DGKI: variants seen among roughly 807,000 people sequenced by gnomAD.
The protein encoded by DGKI is diacylglycerol kinase iota.
In DGKI, 55 loss-of-function variants were observed where a neutral mutation model predicts 147.5. The ratio of observed to expected loss-of-function variants is 0.37; its 90% CI spans 0.30 to 0.47. DGKI has a LOEUF of 0.47. Ranked by LOEUF, DGKI falls within the 20% of genes least tolerant of loss-of-function variation. DGKI has a pLI of 1.00. For missense variants in DGKI, 1,007 were observed against 1,323.8 expected (o/e 0.76, Z 3.71); for synonymous variants, 469 against 477.1 (o/e 0.98, Z 0.22).
intron 1 of DGKI, among the ~76,000 whole-genome samples, chr7:137,744,742 T>C (rs1261380658): frequency 6.6e-6 from 1 of 152,114 alleles, no homozygotes; most frequent in Non-Finnish European, 1.5e-5. Flanking sequence ...GTTCAATATA[T>C]GAAAATTAAT....
At chr7:137,727,583 T>C (rs888287031) in intron 1 of DGKI, among the ~76,000 whole-genome samples, 2 of 152,172 alleles carry the variant, frequency 1.3e-5, no homozygotes, top group Non-Finnish European at 2.9e-5. Flanking sequence ...CAAGAGCAGA[T>C]GAAAGAAGTA....
At chr7:137,513,307 G>T (rs1816640022) in intron 21 of DGKI, among the ~76,000 whole-genome samples, 1 of 152,080 alleles carries the variant, frequency 6.6e-6, no homozygotes, top group East Asian at 1.9e-4. Context: ...TGCTCACCAG[G>T]TTCCATCTTA....
chr7:137,835,806 T>C (rs1798361122), intron 1 of DGKI, among the ~76,000 whole-genome samples: 1 of 152,226 alleles, frequency 6.6e-6, no homozygotes, highest in African/African-American at 2.4e-5. Context: ...GAAATGGTGC[T>C]ATTTTTCCAT....
intron 19 of DGKI, among the ~76,000 whole-genome samples, chr7:137,558,546 G>A (rs1392995091): frequency 6.6e-6 from 1 of 151,786 alleles, no homozygotes; most frequent in Non-Finnish European, 1.5e-5. Context: ...CCAAAGTGCT[G>A]GGATTATAGG....
At chr7:137,429,517 C>CA in intron 28 of DGKI, among the ~76,000 whole-genome samples, 1 of 149,804 alleles carries the variant, frequency 6.7e-6, no homozygotes, top group East Asian at 2.0e-4. Context: ...TCTAAAACAC[C>CA]AAAAGCAATG....
At chr7:137,569,829 A>G (rs1016459577) in intron 19 of DGKI, among the ~76,000 whole-genome samples, 5 of 142,468 alleles carry the variant, frequency 3.5e-5, no homozygotes, top group African/African-American at 5.1e-5. Context: ...CTTGGCTTGT[A>G]TCTTCATTTG....
At chr7:137,606,395 G>A (rs1820187068) in intron 10 of DGKI, among the ~76,000 whole-genome samples, 1 of 152,098 alleles carries the variant, frequency 6.6e-6, no homozygotes, top group South Asian at 2.1e-4. Context: ...AAGCAGGTGA[G>A]TGGAATAAGT....
Position 137,521,981 on chromosome 7 carries a change from C to T in DGKI, c.2148-15G>A. The T allele has an allele frequency of 2.5e-6, 4 of 1,597,716 alleles. No individual in the cohort carries two copies. Among genetic ancestry groups the T allele is most frequent in the South Asian group, 2.2e-5 (2 of 89,864 alleles). ...CAGACTGGGGACTGCAAAACAAGAACCGAGTGGTCAGATACAAATGAGAGA... is the reference window on the plus strand; with the variant it reads ...CAGACTGGGGACTGCAAAACAAGAATCGAGTGGTCAGATACAAATGAGAGA... On this transcript the variant is annotated splice_polypyrimidine_tract_variant and intron_variant, in intron 20 of 32. Coordinates refer to ENST00000614521, the MANE Select transcript of DGKI (RefSeq NM_001321708.2).
intron 3 of DGKI, 36 bp from the exon 4 acceptor site, chr7:137,656,576 T>A (rs752432881): frequency 3.7e-6 from 6 of 1,603,852 alleles, no homozygotes; most frequent in African/African-American, 1.3e-5. Flanking sequence ...AAAAGAAATG[T>A]TAACAGTCTG....
chr7:137,472,682 T>A (rs1815028601), intron 23 of DGKI, among the ~76,000 whole-genome samples: 1 of 151,688 alleles, frequency 6.6e-6, no homozygotes, highest in African/African-American at 2.4e-5. Flanking sequence ...GAAAAACAGA[T>A]AAAGCTACTG....
chr7:137,758,445 G>A (rs1795754287), intron 1 of DGKI, among the ~76,000 whole-genome samples: 1 of 152,168 alleles, frequency 6.6e-6, no homozygotes, highest in Non-Finnish European at 1.5e-5. Flanking sequence ...CAGCATTTTG[G>A]GAAGCCAAGG....
rs191900121 is a variant in DGKI, at chr7:137,677,970, T to C, written c.606+587A>G. On this transcript the variant is annotated intron_variant, in intron 3 of 32. Coordinates refer to ENST00000614521, the MANE Select transcript of DGKI (RefSeq NM_001321708.2). ...ATAAAGAGAATTTTAACCCTCTAAA[T>C]AGATTGTTCTAAATAGGGACACAAA... 1.2e-3 allele frequency among the ~76,000 whole-genome samples: 186 copies of C among 152,336 alleles called. 1 individual carries two copies. Among genetic ancestry groups the C allele is most frequent in the African/African-American group, 4.3e-3 (179 of 41,586 alleles).
At chr7:137,713,949 A>G (rs981391972) in intron 1 of DGKI, among the ~76,000 whole-genome samples, 2 of 152,170 alleles carry the variant, frequency 1.3e-5, no homozygotes, top group South Asian at 2.1e-4. Context: ...CACTTGCCCA[A>G]TTTTGAATGG....
chr7:137,808,329 A>T (rs972039324), intron 1 of DGKI, among the ~76,000 whole-genome samples: 1 of 152,234 alleles, frequency 6.6e-6, no homozygotes, highest in African/African-American at 2.4e-5. Context: ...TTTATTTCAA[A>T]AAAATGGTAG....
intron 10 of DGKI, among the ~76,000 whole-genome samples, chr7:137,605,006 G>C (rs551136428): frequency 1.3e-5 from 2 of 152,216 alleles, no homozygotes; most frequent in Non-Finnish European, 2.9e-5. Flanking sequence ...TCTTTCCACC[G>C]AAGGAGGTAT....
intron 1 of DGKI, among the ~76,000 whole-genome samples, chr7:137,779,445 A>G (rs973239989): frequency 2.0e-5 from 3 of 152,212 alleles, no homozygotes; most frequent in Non-Finnish European, 4.4e-5. Flanking sequence ...GATTTCTCAG[A>G]AGGACATAGA....
intron 23 of DGKI, among the ~76,000 whole-genome samples, chr7:137,475,926 C>A (rs537240618): frequency 6.6e-6 from 1 of 152,154 alleles, no homozygotes; most frequent in South Asian, 2.1e-4. Context: ...AAATAGAAGA[C>A]AGCAGAATAA....
At chr7:137,478,677 A>G (rs1434467436) in intron 23 of DGKI, among the ~76,000 whole-genome samples, 1 of 152,140 alleles carries the variant, frequency 6.6e-6, no homozygotes, top group Non-Finnish European at 1.5e-5. Context: ...AAGCAGTGCA[A>G]TGTGGACCGT....
intron 1 of DGKI, among the ~76,000 whole-genome samples, chr7:137,787,502 C>G (rs1003803825): frequency 2.6e-5 from 4 of 152,068 alleles, no homozygotes; most frequent in Non-Finnish European, 5.9e-5. Flanking sequence ...AACATTTTTA[C>G]ACTGTTGGTG....
Sources: gnomAD v4.1 joint callset for allele counts (sites outside exome capture counted in the v4.1 genomes callset) on GRCh38, gnomAD v4.1.1 for gene constraint, MANE v1.5 for transcripts, NCBI Gene and HGNC (gene_info 2026-07-23, HGNC 2026-07-21) for gene names.